The following TMEM248 variants were observed in gnomAD, a reference collection of about 807,000 sequenced individuals.
TMEM248 encodes transmembrane protein 248.
TMEM248 carries 9 observed loss-of-function variants against 30.3 expected under a neutral mutation model. That is an observed-to-expected ratio of 0.30 (90% CI 0.18 to 0.52). The LOEUF is 0.52. Among genes scored for constraint, TMEM248 ranks in the 20% least tolerant of loss-of-function variants. The pLI is 0.97. For missense variants in TMEM248, 338 were observed against 403.3 expected (o/e 0.84, Z 1.39); for synonymous variants, 184 against 154.4 (o/e 1.19, Z -1.42).
chr7:66,947,144 G>A (rs543821485), intron 3 of TMEM248, among the ~76,000 whole-genome samples: 1 of 151,166 alleles, frequency 6.6e-6, no homozygotes, highest in South Asian at 2.1e-4. Context: ...GAACCTGGGA[G>A]GTCGAGGCTA....
chr7:66,940,597 C>T (rs913089877), intron 1 of TMEM248, among the ~76,000 whole-genome samples: 5 of 152,182 alleles, frequency 3.3e-5, no homozygotes, highest in Admixed American at 6.5e-5. Flanking sequence ...TGAAGAATAG[C>T]AAGTCCAGTG....
At chr7:66,934,421 G>A (rs113237093) in intron 1 of TMEM248, among the ~76,000 whole-genome samples, 7 of 152,076 alleles carry the variant, frequency 4.6e-5, no homozygotes, top group Middle Eastern at 3.2e-3. Flanking sequence ...GGCAGATCTC[G>A]AACGCCTGAC....
chr7:66,939,938 G>T (rs1265173903), intron 1 of TMEM248, among the ~76,000 whole-genome samples: 2 of 152,132 alleles, frequency 1.3e-5, no homozygotes, highest in African/African-American at 4.8e-5. Flanking sequence ...TGAGGAGCTG[G>T]CTATTAAACA....
chr7:66,952,151 A>T (rs1365811940), intron 5 of TMEM248, among the ~76,000 whole-genome samples: 1 of 151,304 alleles, frequency 6.6e-6, no homozygotes, highest in East Asian at 1.9e-4. Flanking sequence ...GTGCAGTGGC[A>T]CAATCTCGGT....
At chr7:66,943,940 A>G (rs956820453) in intron 2 of TMEM248, among the ~76,000 whole-genome samples, 1 of 151,900 alleles carries the variant, frequency 6.6e-6, no homozygotes, top group Non-Finnish European at 1.5e-5. Context: ...GATTACAGGC[A>G]TGCGCCACCA....
Position 66,946,052 on chromosome 7 carries a change from T to A in TMEM248, c.445+791T>A, listed in dbSNP as rs570102653. Among the ~76,000 whole-genome samples the A allele has an allele frequency of 8.9e-5, 13 of 145,306 alleles. No homozygotes were observed. In the South Asian group the frequency reaches 2.8e-3, roughly 32 times the overall value. On this transcript the variant is annotated intron_variant, in intron 3 of 6. Transcript: ENST00000341567. ...TGAGCTGAGATTCATGCCACTGTGC[T>A]CCAGCCTGGGCGACAGAGGGAGACT...
chr7:66,927,803 A>C (rs1001008624), intron 1 of TMEM248, among the ~76,000 whole-genome samples: 4 of 152,100 alleles, frequency 2.6e-5, no homozygotes, highest in African/African-American at 9.7e-5. Context: ...AGTCTGTTCT[A>C]CACTGTGAAT....
intron 1 of TMEM248, among the ~76,000 whole-genome samples, chr7:66,923,168 C>T (rs1426079306): frequency 1.3e-5 from 2 of 149,330 alleles, no homozygotes; most frequent in Admixed American, 6.7e-5. Context: ...TTTCTTGAGG[C>T]GGAGTCTTGC....
intron 1 of TMEM248, among the ~76,000 whole-genome samples, chr7:66,924,274 A>G (rs532447673): frequency 1.3e-5 from 2 of 152,298 alleles, no homozygotes; most frequent in South Asian, 4.1e-4. Context: ...TGTCACAGAG[A>G]TGGTGTGTTT....
chr7:66,946,119 AG>A (rs1275512034), intron 3 of TMEM248, among the ~76,000 whole-genome samples: 4 of 145,054 alleles, frequency 2.8e-5, no homozygotes, highest in Non-Finnish European at 4.5e-5. Context: ...CTGGGCATGC[AG>A]GCATGGTGGT....
intron 1 of TMEM248, among the ~76,000 whole-genome samples, chr7:66,925,084 G>T (rs1791488967): frequency 2.0e-5 from 3 of 151,848 alleles, no homozygotes; most frequent in South Asian, 4.2e-4. Context: ...TGCTGTGGGT[G>T]ATCATGGCTC....
At position 66,941,913 on chromosome 7, in the gene TMEM248, T is replaced by G; in HGVS notation, c.48T>G (p.Ser16Arg). The G allele has an allele frequency of 6.2e-7, 1 of 1,614,148 alleles. No homozygotes were observed. The highest frequency in any genetic ancestry group is 8.5e-7 in the Non-Finnish European group (1 of 1,180,018). Residue 16 changes from serine to arginine, a missense_variant, in exon 2 of 7, where the codon AGT becomes AGG. Physicochemically the swap from Ser to Arg is moderately radical, Grantham distance 110. Coordinates refer to ENST00000341567, the MANE Select transcript of TMEM248 (RefSeq NM_017994.5). ...AGAACCTGAAGGTGTACATCAGCAG[T>G]CGGCCTCCCCTGGTGGTCTTCATGA... is the stretch of plus-strand genomic sequence containing the variant. ...PLENLKVYIS[S>R]RPPLVVFMIS...
At chr7:66,935,589 CT>C (rs1420163469) in intron 1 of TMEM248, among the ~76,000 whole-genome samples, 1 of 152,224 alleles carries the variant, frequency 6.6e-6, no homozygotes, top group African/African-American at 2.4e-5. Context: ...GTTGTGCAGG[CT>C]GGAGTGCAGA....
At chr7:66,930,895 A>G (rs1791645782) in intron 1 of TMEM248, 1 of 152,644 alleles carries the variant, frequency 6.6e-6, no homozygotes. Flanking sequence ...CTGTCTTAGC[A>G]CAAGTCCGAT....
Position 66,933,849 on chromosome 7 carries a change from C to T in TMEM248, c.-18-7999C>T, listed in dbSNP as rs564959732. Among the ~76,000 whole-genome samples, 5 of 152,324 alleles carry T rather than the reference C, an allele frequency of 3.3e-5. No homozygotes were observed. In the East Asian group the frequency reaches 9.6e-4, roughly 29 times the overall value. ...ATCCCTGAACTTTTCAGAGAGGCAGCTTCCCAGCAGTGGTCATTTCTTTCT... is the reference window on the plus strand; with the variant it reads ...ATCCCTGAACTTTTCAGAGAGGCAGTTTCCCAGCAGTGGTCATTTCTTTCT... On this transcript the variant is annotated intron_variant, in intron 1 of 6. Coordinates refer to ENST00000341567, the MANE Select transcript of TMEM248 (RefSeq NM_017994.5).
rs1236441038 is a variant in TMEM248, at chr7:66,956,908, C to T, written c.*1386C>T. 6.6e-6 allele frequency: 1 copy of T among 152,344 alleles called. No individual in the cohort carries two copies. 9.4% of individuals were successfully genotyped at this position (152,344 alleles called of 1,614,324 possible). A position where few individuals can be genotyped will look rare whatever the true frequency, so the allele number is the denominator to read the frequency against. The stretch of plus-strand genomic sequence containing the variant: ...CAGGCTGGTCTGGAACTCCTAGCTT[C>T]AAATGATCCTCTCACCTCGGCCTCC... On this transcript the variant is annotated 3_prime_UTR_variant, in exon 7 of 7. Coordinates refer to ENST00000341567, the MANE Select transcript of TMEM248 (RefSeq NM_017994.5).
At chr7:66,935,033 C>T (rs1219631011) in intron 1 of TMEM248, among the ~76,000 whole-genome samples, 9 of 151,320 alleles carry the variant, frequency 5.9e-5, no homozygotes, top group Admixed American at 5.9e-4. Context: ...CCAACCTGGG[C>T]GACAGAGTGA....
chr7:66,925,267 C>T (rs117510415), intron 1 of TMEM248, among the ~76,000 whole-genome samples: 11,007 of 152,194 alleles, frequency 0.072, 556 homozygotes, highest in East Asian at 0.28. Context: ...GTGATCCTCC[C>T]ATCTTGGCCT....
At chr7:66,934,580 T>G (rs1486082086) in intron 1 of TMEM248, among the ~76,000 whole-genome samples, 1 of 152,204 alleles carries the variant, frequency 6.6e-6, no homozygotes, top group East Asian at 1.9e-4. Flanking sequence ...GTTGACAATA[T>G]TTGCCATTTT....
Sources: gnomAD v4.1 joint callset for allele counts (sites outside exome capture counted in the v4.1 genomes callset) on GRCh38, gnomAD v4.1.1 for gene constraint, MANE v1.5 for transcripts, NCBI Gene and HGNC (gene_info 2026-07-23, HGNC 2026-07-21) for gene names.